The following LMBRD1 variants were observed in gnomAD, a reference collection of about 807,000 sequenced individuals.
The protein encoded by LMBRD1 is lysosomal cobalamin transport escort protein LMBD1.
LMBRD1 carries 64 observed loss-of-function variants against 74.8 expected under a neutral mutation model. The observed-to-expected ratio is 0.86, with a 90% CI of 0.70 to 1.05. LMBRD1 has a LOEUF of 1.05. LMBRD1 is among the 50% of genes least tolerant of loss of function. The pLI is 0.00. For missense variants in LMBRD1, 652 were observed against 645.9 expected, an observed-to-expected ratio of 1.01 and a Z score of -0.10; for synonymous variants, 204 against 216.3, an observed-to-expected ratio of 0.94 and a Z score of 0.50.
chr6:69,695,282 T>A (rs1274339217), intron 14 of LMBRD1, among the ~76,000 whole-genome samples: 1 of 152,110 alleles, frequency 6.6e-6, no homozygotes, highest in Non-Finnish European at 1.5e-5. Context: ...TCCGCACATC[T>A]TCTTCATGGA....
chr6:69,762,567 T>C (rs542559374), intron 3 of LMBRD1, among the ~76,000 whole-genome samples: 2 of 152,266 alleles, frequency 1.3e-5, no homozygotes, highest in East Asian at 3.9e-4. Flanking sequence ...TGGCAGCACC[T>C]GGGTATTGTC....
intron 13 of LMBRD1, among the ~76,000 whole-genome samples, chr6:69,698,438 A>G (rs1192032722): frequency 6.6e-6 from 1 of 152,004 alleles, no homozygotes; most frequent in Non-Finnish European, 1.5e-5. Flanking sequence ...GTAGAGCAAA[A>G]GGTATTTTTA....
chr6:69,795,385 G>A (rs1196246891), intron 1 of LMBRD1, among the ~76,000 whole-genome samples: 1 of 151,850 alleles, frequency 6.6e-6, no homozygotes. Flanking sequence ...TTTGGCTTTC[G>A]GTCCATAAAA....
chr6:69,750,234 T>C (rs1311397669), intron 4 of LMBRD1, among the ~76,000 whole-genome samples: 1 of 151,396 alleles, frequency 6.6e-6, no homozygotes, highest in Non-Finnish European at 1.5e-5. Context: ...TGTTAACTCA[T>C]TTAATTCTCA....
chr6:69,710,267 A>C (rs774846017), intron 9 of LMBRD1, among the ~76,000 whole-genome samples: 47 of 150,340 alleles, frequency 3.1e-4, no homozygotes, highest in Non-Finnish European at 5.4e-4. Context: ...GATAGTCTTG[A>C]AAAAAAAATT....
chr6:69,771,604 C>T (rs1357578553), intron 3 of LMBRD1, among the ~76,000 whole-genome samples: 1 of 152,080 alleles, frequency 6.6e-6, no homozygotes, highest in Non-Finnish European at 1.5e-5. Context: ...TTGCCTAGCA[C>T]AGCAAAATAG....
intron 5 of LMBRD1, among the ~76,000 whole-genome samples, chr6:69,743,371 A>C (rs1344315521): frequency 6.6e-6 from 1 of 152,222 alleles, no homozygotes; most frequent in Admixed American, 6.5e-5. Flanking sequence ...TCAGTATGTC[A>C]GTTTTAGGTA....
chr6:69,740,517 G>C (rs1767078632), intron 6 of LMBRD1, among the ~76,000 whole-genome samples: 1 of 152,128 alleles, frequency 6.6e-6, no homozygotes, highest in South Asian at 2.1e-4. Flanking sequence ...TGACAATTCA[G>C]TATTAGTAGA....
intron 14 of LMBRD1, among the ~76,000 whole-genome samples, chr6:69,680,351 A>T (rs1018267233): frequency 1.3e-5 from 2 of 152,134 alleles, no homozygotes; most frequent in African/African-American, 4.8e-5. Context: ...ACTCATTTCC[A>T]TACTTATGAT....
chr6:69,778,983 A>C (rs1228782983), intron 3 of LMBRD1, among the ~76,000 whole-genome samples: 5 of 151,930 alleles, frequency 3.3e-5, no homozygotes, highest in African/African-American at 1.2e-4. Context: ...GTCAGGAGTT[A>C]AAGACCAGCC....
intron 1 of LMBRD1, 124 bp from the exon 2 acceptor site, chr6:69,790,596 A>G (rs758525694): frequency 2.7e-5 from 25 of 917,410 alleles, no homozygotes; most frequent in African/African-American, 6.6e-5. Context: ...TTGTGTAAGG[A>G]AAGCCCACTA....
Position 69,796,831 on chromosome 6 carries a change from T to C in LMBRD1, c.51A>G (p.Ile17Met). The change falls in exon 1 of 16, where the codon ATA becomes ATG. Residue 17 changes from isoleucine (I) to methionine (M), a missense_variant. Ile to Met is a conservative substitution (Grantham distance 10, BLOSUM62 1). Transcript: ENST00000649934. Reference sequence around the variant, plus strand: ...CCCCTACCAGTAGTAAGAGGCCGAATATGCACCAGCCGATCACCAGCTCCG... The same window carrying C: ...CCCCTACCAGTAGTAAGAGGCCGAACATGCACCAGCCGATCACCAGCTCCG... ...ASAELVIGWC[I>M]FGLLLLAILA... 6.2e-7 allele frequency: 1 copy of C among 1,613,704 alleles called. No homozygotes were observed. Among genetic ancestry groups the C allele is most frequent in the East Asian group, 2.2e-5 (1 of 44,838 alleles).
intron 7 of LMBRD1, among the ~76,000 whole-genome samples, chr6:69,727,140 A>C (rs889027721): frequency 1.3e-5 from 2 of 152,174 alleles, no homozygotes; most frequent in Non-Finnish European, 2.9e-5. Flanking sequence ...GCCTGGTAAC[A>C]GAGTGAAACT....
At chr6:69,723,973 T>C (rs1402586279) in intron 7 of LMBRD1, among the ~76,000 whole-genome samples, 1 of 151,938 alleles carries the variant, frequency 6.6e-6, no homozygotes, top group Non-Finnish European at 1.5e-5. Context: ...ATGGAAACAT[T>C]ACAACTGATA....
intron 2 of LMBRD1, among the ~76,000 whole-genome samples, chr6:69,785,422 C>A (rs1765924758): frequency 6.6e-6 from 1 of 152,196 alleles, no homozygotes; most frequent in African/African-American, 2.4e-5. Flanking sequence ...TACTTAACAC[C>A]TCCACCTGGA....
intron 2 of LMBRD1, among the ~76,000 whole-genome samples, chr6:69,789,981 A>T (rs1766042862): frequency 6.6e-6 from 1 of 152,270 alleles, no homozygotes; most frequent in Non-Finnish European, 1.5e-5. Flanking sequence ...TGCCACTAAC[A>T]AAAGCCCTTC....
At chr6:69,713,550 G>A in intron 9 of LMBRD1, 95 bp downstream of exon 9, 1 of 1,254,458 alleles carries the variant, frequency 8.0e-7, no homozygotes, top group Non-Finnish European at 1.1e-6. Flanking sequence ...TAAGTACCAT[G>A]CTGTAATGCC....
intron 9 of LMBRD1, chr6:69,705,645 C>T (rs950681442): frequency 5.7e-6 from 5 of 883,696 alleles, no homozygotes; most frequent in Non-Finnish European, 7.5e-6. Context: ...ATCATTATCA[C>T]CATCTTCATC....
chr6:69,739,027 T>A (rs1403750116), intron 6 of LMBRD1, among the ~76,000 whole-genome samples: 1 of 152,190 alleles, frequency 6.6e-6, no homozygotes, highest in Non-Finnish European at 1.5e-5. Context: ...TTAAAACTAC[T>A]TTTTATCAAA....
Sources: allele counts gnomAD v4.1 joint callset (sites outside exome capture counted in the v4.1 genomes callset), GRCh38; gene constraint gnomAD v4.1.1; transcripts MANE v1.5; gene names NCBI Gene and HGNC (gene_info 2026-07-23, HGNC 2026-07-21).